Variants in TANGO6 observed in about 807,000 individuals in gnomAD.
TANGO6 encodes the protein transport and Golgi organization protein 6 homolog.
A neutral mutation model predicts 114.2 loss-of-function variants in TANGO6; 90 were observed. The observed-to-expected ratio is 0.79, with a 90% confidence interval of 0.66 to 0.94. The LOEUF is 0.94. TANGO6 is among the 40% of genes least tolerant of loss of function. The pLI is 0.00. For missense variants in TANGO6, 1,274 were observed against 1,315.3 expected, an observed-to-expected ratio of 0.97 and a Z score of 0.49; for synonymous variants, 477 against 509.8, an observed-to-expected ratio of 0.94 and a Z score of 0.87.
intron 17 of TANGO6, among the ~76,000 whole-genome samples, chr16:69,044,865 A>G (rs1285707594): frequency 6.6e-6 from 1 of 152,114 alleles, no homozygotes; most frequent in Non-Finnish European, 1.5e-5. Flanking sequence ...AAGAAAAAAA[A>G]TTTTAAAAGG....
chr16:68,963,298 G>A (rs1447766271), intron 14 of TANGO6, among the ~76,000 whole-genome samples: 3 of 151,954 alleles, frequency 2.0e-5, no homozygotes, highest in Non-Finnish European at 4.4e-5. Context: ...ATTTGTGTAT[G>A]TTTAGTAGGA....
chr16:68,876,714 A>G (rs931826506), intron 5 of TANGO6, among the ~76,000 whole-genome samples: 2 of 152,064 alleles, frequency 1.3e-5, no homozygotes, highest in Non-Finnish European at 2.9e-5. Flanking sequence ...CTAGCTACTC[A>G]GGAAGCTGAG....
chr16:68,893,248 C>G (rs987606878), intron 7 of TANGO6, among the ~76,000 whole-genome samples: 6 of 152,068 alleles, frequency 3.9e-5, no homozygotes, highest in African/African-American at 1.2e-4. Flanking sequence ...ACGAAAGAGG[C>G]CTTACAGCAC....
At chr16:68,900,351 C>T in intron 7 of TANGO6, 83 bp from the exon 8 acceptor site, 3 of 1,054,470 alleles carry the variant, frequency 2.8e-6, no homozygotes, top group South Asian at 2.7e-5. Context: ...AGACGCTGAG[C>T]CCTGCTAGGT....
chr16:68,918,692 A>G (rs1432467447), intron 11 of TANGO6, among the ~76,000 whole-genome samples: 1 of 152,234 alleles, frequency 6.6e-6, no homozygotes, highest in African/African-American at 2.4e-5. Context: ...TCATTTCACA[A>G]TGAGGATAAT....
intron 14 of TANGO6, among the ~76,000 whole-genome samples, chr16:68,930,606 A>G (rs941355191): frequency 6.7e-6 from 1 of 150,050 alleles, no homozygotes; most frequent in Non-Finnish European, 1.5e-5. Flanking sequence ...CTCTTATCAC[A>G]TTAACCTTTT....
At chr16:68,934,378 A>G (rs1597027302) in intron 14 of TANGO6, among the ~76,000 whole-genome samples, 1 of 152,162 alleles carries the variant, frequency 6.6e-6, no homozygotes, top group East Asian at 1.9e-4. Context: ...AATTTTGTAT[A>G]TCTCCTATAT....
At chr16:68,998,471 C>T (rs552516302) in intron 15 of TANGO6, among the ~76,000 whole-genome samples, 5 of 152,246 alleles carry the variant, frequency 3.3e-5, no homozygotes, top group South Asian at 4.1e-4. Context: ...GTGGCTCATG[C>T]CTGTAATCCC....
chr16:68,904,893 G>A (rs1962829736), intron 9 of TANGO6, among the ~76,000 whole-genome samples: 1 of 152,160 alleles, frequency 6.6e-6, no homozygotes, highest in South Asian at 2.1e-4. Context: ...GAGGCCAGGA[G>A]TTCAAGACCA....
In TANGO6 at chr16:68,996,198, A is replaced by G. The variant is rs528349004; in HGVS notation, c.2842+22030A>G. ...AAAAGTAACTGTTGTTAATAGATCA[A>G]AATTTACCTACGAATTTTTTAATGA... On this transcript the variant is annotated intron_variant, in intron 15 of 17. Coordinates refer to ENST00000261778, the MANE Select transcript of TANGO6 (RefSeq NM_024562.2). Among the ~76,000 whole-genome samples the G allele has an allele frequency of 1.4e-4, 22 of 152,328 alleles. No homozygotes were observed. In the South Asian group the frequency reaches 3.7e-3, roughly 26 times the overall value.
At chr16:69,040,732 G>GC (rs1450875036) in intron 17 of TANGO6, among the ~76,000 whole-genome samples, 1 of 152,062 alleles carries the variant, frequency 6.6e-6, no homozygotes, top group Non-Finnish European at 1.5e-5. Flanking sequence ...CATTCACCCT[G>GC]CCTCTGCACC....
chr16:68,965,371 TC>T (rs1191368498), intron 14 of TANGO6, among the ~76,000 whole-genome samples: 2 of 152,132 alleles, frequency 1.3e-5, no homozygotes, highest in East Asian at 3.9e-4. Flanking sequence ...CAATTCATTT[TC>T]CCCCTCTTTC....
chr16:68,875,700 C>T (rs934876146), intron 5 of TANGO6, among the ~76,000 whole-genome samples: 5 of 150,604 alleles, frequency 3.3e-5, no homozygotes, highest in Non-Finnish European at 5.9e-5. Context: ...ACCCGGGAGG[C>T]GGAGGTTGCC....
chr16:68,904,710 GTATCT>G (rs1962827292), intron 9 of TANGO6, among the ~76,000 whole-genome samples: 1 of 152,140 alleles, frequency 6.6e-6, no homozygotes, highest in African/African-American at 2.4e-5. Flanking sequence ...AAGTCAACTA[GTATCT>G]TATTTTCTGT....
intron 7 of TANGO6, among the ~76,000 whole-genome samples, chr16:68,897,947 T>G (rs141283504): frequency 1.2e-3 from 179 of 152,182 alleles, no homozygotes; most frequent in African/African-American, 4.0e-3. Context: ...CTTGTTAAAG[T>G]TTGGGGTGCT....
intron 9 of TANGO6, 149 bp downstream of exon 9, chr16:68,902,653 C>T (rs1165507933): frequency 7.1e-6 from 5 of 701,436 alleles, no homozygotes; most frequent in African/African-American, 1.8e-5. Context: ...CTAAATGAAA[C>T]GTGAGCCTTA....
intron 15 of TANGO6, among the ~76,000 whole-genome samples, chr16:68,980,613 A>G (rs1963825263): frequency 6.6e-6 from 1 of 151,162 alleles, no homozygotes; most frequent in African/African-American, 2.4e-5. Flanking sequence ...TCTTGAGCCC[A>G]GGGGTTTGAG....
At chr16:68,846,498 C>CT in intron 1 of TANGO6, 1 of 347,636 alleles carries the variant, frequency 2.9e-6, no homozygotes, top group South Asian at 2.1e-5. Flanking sequence ...TTATACGATT[C>CT]TTTCTTTTTT....
At chr16:68,921,118 C>CA (rs374286269) in intron 12 of TANGO6, among the ~76,000 whole-genome samples, 1,702 of 54,990 alleles carry the variant, frequency 0.031, 54 homozygotes, top group East Asian at 0.2. Context: ...GACTCTGTCT[C>CA]AAAAAAAAAA....
Sources: gnomAD v4.1 joint callset for allele counts (sites outside exome capture counted in the v4.1 genomes callset) on GRCh38, gnomAD v4.1.1 for gene constraint, MANE v1.5 for transcripts, NCBI Gene and HGNC (gene_info 2026-07-23, HGNC 2026-07-21) for gene names.